Variants in CNTN5 observed in about 807,000 individuals in gnomAD.
CNTN5 encodes contactin 5.
CNTN5 carries 77 observed loss-of-function variants against 129.1 expected under a neutral mutation model. That is an observed-to-expected ratio of 0.60 (90% confidence interval 0.50 to 0.72). CNTN5 has a LOEUF of 0.72. Among genes scored for constraint, CNTN5 ranks in the 30% least tolerant of loss-of-function variants. The pLI is 0.00. For missense variants in CNTN5, 1,478 were observed against 1,328.8 expected (o/e 1.11, Z -1.75); for synonymous variants, 509 against 465.6 (o/e 1.09, Z -1.20).
At chr11:100,011,642 C>T (rs1940539621) in intron 9 of CNTN5, among the ~76,000 whole-genome samples, 1 of 152,102 alleles carries the variant, frequency 6.6e-6, no homozygotes, top group Non-Finnish European at 1.5e-5. Context: ...TTAGTTCCTG[C>T]TTATCTCTCT....
At chr11:100,285,948 C>A (rs1035342175) in intron 18 of CNTN5, among the ~76,000 whole-genome samples, 2 of 152,208 alleles carry the variant, frequency 1.3e-5, no homozygotes, top group Non-Finnish European at 2.9e-5. Flanking sequence ...ACTTGGGAAG[C>A]GCAAGGGGTC....
intron 13 of CNTN5, among the ~76,000 whole-genome samples, chr11:100,096,564 G>A (rs917656653): frequency 6.6e-6 from 1 of 152,014 alleles, no homozygotes; most frequent in Non-Finnish European, 1.5e-5. Context: ...GGTTTGAAAT[G>A]ATAAACCCCT....
intron 17 of CNTN5, among the ~76,000 whole-genome samples, chr11:100,265,016 G>A (rs780537023): frequency 7.9e-5 from 12 of 151,788 alleles, no homozygotes; most frequent in Non-Finnish European, 1.5e-4. Context: ...ATGTTTGTTG[G>A]CCACATAAAT....
intron 13 of CNTN5, among the ~76,000 whole-genome samples, chr11:100,161,095 A>C (rs1002014863): frequency 6.6e-6 from 1 of 152,000 alleles, no homozygotes; most frequent in African/African-American, 2.4e-5. Flanking sequence ...AAAGAACACC[A>C]ATTCTAAAAA....
chr11:99,472,979 G>A (rs929688263), intron 2 of CNTN5, among the ~76,000 whole-genome samples: 1 of 152,000 alleles, frequency 6.6e-6, no homozygotes, highest in Non-Finnish European at 1.5e-5. Flanking sequence ...CTCTGACAGC[G>A]ACCAACAAAT....
At chr11:99,024,246 G>A (rs1383185004) in intron 1 of CNTN5, among the ~76,000 whole-genome samples, 1 of 152,142 alleles carries the variant, frequency 6.6e-6, no homozygotes, top group Non-Finnish European at 1.5e-5. Context: ...AGATTCAAAT[G>A]TGTATTGTTA....
At chr11:99,273,483 T>C (rs181720757) in intron 1 of CNTN5, among the ~76,000 whole-genome samples, 1 of 151,926 alleles carries the variant, frequency 6.6e-6, no homozygotes, top group African/African-American at 2.4e-5. Flanking sequence ...TCCTTCTTCC[T>C]GGTGTTTGTC....
At chr11:99,021,537 G>A (rs1273918479) in intron 1 of CNTN5, among the ~76,000 whole-genome samples, 1 of 152,126 alleles carries the variant, frequency 6.6e-6, no homozygotes, top group Non-Finnish European at 1.5e-5. Context: ...CAAAATAAGA[G>A]TAAGCAATTC....
chr11:100,128,089 T>G (rs1300479578), intron 13 of CNTN5, among the ~76,000 whole-genome samples: 3 of 152,154 alleles, frequency 2.0e-5, no homozygotes, highest in African/African-American at 7.2e-5. Flanking sequence ...ATTCAAAATT[T>G]ATATCTTTGA....
intron 2 of CNTN5, among the ~76,000 whole-genome samples, chr11:99,470,784 A>G (rs1945140631): frequency 6.8e-6 from 1 of 147,140 alleles, no homozygotes; most frequent in African/African-American, 2.5e-5. Context: ...TTAATTTACA[A>G]TTAAAATATA....
At chr11:99,133,894 A>G (rs1181504351) in intron 1 of CNTN5, among the ~76,000 whole-genome samples, 3 of 152,196 alleles carry the variant, frequency 2.0e-5, no homozygotes, top group Non-Finnish European at 4.4e-5. Flanking sequence ...TGACCCAGCA[A>G]TCCCATTAGT....
chr11:99,552,080 G>C (rs955205615), intron 2 of CNTN5, among the ~76,000 whole-genome samples: 4 of 151,746 alleles, frequency 2.6e-5, no homozygotes, highest in African/African-American at 9.7e-5. Flanking sequence ...GCTAATTTCT[G>C]TATTCTTAGT....
At chr11:99,120,065 CT>C (rs1262469874) in intron 1 of CNTN5, 1 of 152,048 alleles carries the variant, frequency 6.6e-6, no homozygotes, top group Non-Finnish European at 1.5e-5. Flanking sequence ...TTCTTCCATT[CT>C]TTAGGTTGTC....
chr11:99,685,725 T>C (rs1261794064), intron 3 of CNTN5, among the ~76,000 whole-genome samples: 1 of 151,964 alleles, frequency 6.6e-6, no homozygotes, highest in Non-Finnish European at 1.5e-5. Flanking sequence ...TATATTTTGA[T>C]GCCTCTCTTG....
At chr11:99,595,403 A>G (rs1461790523) in intron 3 of CNTN5, among the ~76,000 whole-genome samples, 1 of 152,158 alleles carries the variant, frequency 6.6e-6, no homozygotes, top group Non-Finnish European at 1.5e-5. Context: ...CTTAGTACCA[A>G]TGATTTCCTT....
intron 3 of CNTN5, among the ~76,000 whole-genome samples, chr11:99,724,726 A>T (rs752122596): frequency 2.0e-5 from 3 of 152,190 alleles, no homozygotes; most frequent in African/African-American, 7.2e-5. Context: ...TATTGGTTGA[A>T]TTCAGGAAGC....
At chr11:99,994,370 A>G (rs1427894676) in intron 8 of CNTN5, among the ~76,000 whole-genome samples, 1 of 152,222 alleles carries the variant, frequency 6.6e-6, no homozygotes, top group Non-Finnish European at 1.5e-5. Context: ...TTAATATAAA[A>G]GTGGGTTCTA....
chr11:99,870,318 C>T (rs963240165), intron 6 of CNTN5, among the ~76,000 whole-genome samples: 4 of 151,994 alleles, frequency 2.6e-5, no homozygotes, highest in Non-Finnish European at 5.9e-5. Context: ...TTCCAAACAG[C>T]CACTGTCACT....
intron 3 of CNTN5, among the ~76,000 whole-genome samples, chr11:99,611,526 A>G (rs895742032): frequency 6.6e-6 from 1 of 152,332 alleles, no homozygotes; most frequent in South Asian, 2.1e-4. Flanking sequence ...GTGTGCATTA[A>G]TAGAGTCTGT....
Sources: gnomAD v4.1 joint callset for allele counts (sites outside exome capture counted in the v4.1 genomes callset) on GRCh38, gnomAD v4.1.1 for gene constraint, MANE v1.5 for transcripts, NCBI Gene and HGNC (gene_info 2026-07-23, HGNC 2026-07-21) for gene names.